SYNE2: variants seen among roughly 807,000 people sequenced by gnomAD.
SYNE2 encodes spectrin repeat containing nuclear envelope protein 2.
A neutral mutation model predicts 856.3 loss-of-function variants in SYNE2; 431 were observed. That is an observed-to-expected ratio of 0.50 (90% CI 0.47 to 0.55). The LOEUF is 0.55. Among genes scored for constraint, SYNE2 ranks in the 20% least tolerant of loss-of-function variants. The pLI, the probability that SYNE2 is intolerant of heterozygous loss-of-function variation, is 0.00. For synonymous variants in SYNE2, 2,923 were observed against 2,872.3 expected (o/e 1.02, Z -0.56); for missense variants, 8,129 against 8,023.2 (o/e 1.01, Z -0.50).
chr14:64,165,806 G>A (rs557957515), intron 90 of SYNE2, among the ~76,000 whole-genome samples: 11 of 152,110 alleles, frequency 7.2e-5, no homozygotes, highest in African/African-American at 2.2e-4. Context: ...GAGCCACTGC[G>A]CCTGGCCTAA....
chr14:64,170,546 T>C, intron 94 of SYNE2, 84 bp downstream of exon 94: 2 of 1,365,678 alleles, frequency 1.5e-6, no homozygotes, highest in Non-Finnish European at 2.0e-6. Context: ...TTAATGTTTT[T>C]GATGATGATG....
intron 1 of SYNE2, among the ~76,000 whole-genome samples, chr14:63,889,543 G>A (rs1198690521): frequency 3.3e-5 from 5 of 151,956 alleles, no homozygotes; most frequent in African/African-American, 1.2e-4. Flanking sequence ...TGGCACAATC[G>A]TAGCTCACTT....
intron 21 of SYNE2, among the ~76,000 whole-genome samples, chr14:63,991,707 G>A (rs1216998810): frequency 1.3e-5 from 2 of 152,178 alleles, no homozygotes; most frequent in African/African-American, 4.8e-5. Context: ...GGTGGGAGGT[G>A]CTTGGGGGAT....
In SYNE2 at chr14:64,098,079, G is replaced by A. The variant is rs886042419; in HGVS notation, c.12239G>A (p.Arg4080Lys). The A allele has an allele frequency of 6.2e-7, 1 of 1,614,184 alleles. No individual in the cohort carries two copies. Among genetic ancestry groups the A allele is most frequent in the Non-Finnish European group, 8.5e-7 (1 of 1,180,018 alleles). ...HLKQEQEGVE[R>K]DRLPAVTSEE... is the part of the protein sequence containing the mutation. ...AAGCAAGAACAAGAAGGAGTAGAAA[G>A]AGATAGGCTGCCAGCTGTAACATCA... Residue 4080 changes from arginine (R) to lysine (K), a missense_variant, in exon 62 of 116, where the codon AGA becomes AAA. Physicochemically the swap from Arg to Lys is conservative, Grantham distance 26. Around this residue, in one of 3 missense-constraint regions of SYNE2, gnomAD observed 5,410 missense variants for 5,284.8 expected, o/e 1.02. Coordinates refer to ENST00000555002, the MANE Select transcript of SYNE2 (RefSeq NM_182914.3).
chr14:64,150,093 C>T (rs868334504), intron 84 of SYNE2, among the ~76,000 whole-genome samples: 1 of 140,582 alleles, frequency 7.1e-6, no homozygotes, highest in Non-Finnish European at 1.5e-5. Flanking sequence ...CTCACTTCAG[C>T]CTTGAGCTCC....
At position 64,146,835 on chromosome 14, in the gene SYNE2, C is replaced by T. The variant is rs148004650; in HGVS notation, c.15639+612C>T. On this transcript the variant is annotated intron_variant, in intron 84 of 115. Transcript: ENST00000555002. The stretch of plus-strand genomic sequence containing the variant: ...CATCGCCATCACGGCAGGCGGCACA[C>T]GCTGTGCTGTTTCTGCACTTCCTGC... Among the ~76,000 whole-genome samples, 367 of 152,352 alleles carry T rather than the reference C, an allele frequency of 2.4e-3. 2 individuals are homozygous for T. Among genetic ancestry groups the T allele is most frequent in the African/African-American group, 8.2e-3 (340 of 41,582 alleles).
At chr14:64,220,685 C>G (rs764984703) in intron 111 of SYNE2, 48 bp downstream of exon 111, 1 of 1,598,412 alleles carries the variant, frequency 6.3e-7, no homozygotes, top group Non-Finnish European at 8.5e-7. Context: ...CCCAGGCCCA[C>G]GTGGTAGGAG....
intron 1 of SYNE2, among the ~76,000 whole-genome samples, chr14:63,905,565 T>C (rs578189651): frequency 3.9e-5 from 6 of 152,184 alleles, no homozygotes; most frequent in South Asian, 2.1e-4. Flanking sequence ...TTTGTGGCTA[T>C]TGTAAACGGG....
chr14:63,936,702 T>C (rs1201322496), intron 2 of SYNE2, among the ~76,000 whole-genome samples: 1 of 152,068 alleles, frequency 6.6e-6, no homozygotes, highest in Non-Finnish European at 1.5e-5. Context: ...GGAGGAGCCC[T>C]TGCAGGGTTT....
rs1170718601 is a variant in SYNE2, at chr14:64,024,296, C to G, written c.5677C>G (p.Gln1893Glu). 9.9e-6 allele frequency: 16 copies of G among 1,613,876 alleles called. No individual in the cohort carries two copies. Among genetic ancestry groups the G allele is most frequent in the Non-Finnish European group, 1.4e-5 (16 of 1,179,952 alleles). ...TLEGRNSKIK[Q>E]VDSVLKHVKK... ...TGAAGGAAGAAACAGTAAAATAAAGCAGGTGGACAGCGTACTGAAGCATGT... is the reference window on the plus strand; with the variant it reads ...TGAAGGAAGAAACAGTAAAATAAAGGAGGTGGACAGCGTACTGAAGCATGT... Residue 1893 changes from glutamine to glutamate, a missense_variant, in exon 39 of 116, where the codon CAG becomes GAG. Physicochemically the swap from Gln to Glu is conservative, Grantham distance 29 (BLOSUM62 2). Coordinates refer to ENST00000555002, the MANE Select transcript of SYNE2 (RefSeq NM_182914.3).
chr14:64,002,767 A>G lies in SYNE2; in HGVS notation c.3834A>G (p.Leu1278=). ...IAKQIEICNR[L]EEPGNFVLKE... ...AACAGATTGAAATATGTAACCGCTT[A>G]GAAGAGCCAGGCAACTTTGTATTAA... The change falls in exon 30 of 116, where the codon TTA becomes TTG. Residue 1278 remains leucine, a synonymous_variant. Coordinates refer to ENST00000555002, the MANE Select transcript of SYNE2 (RefSeq NM_182914.3). The G allele has an allele frequency of 6.2e-7, 1 of 1,613,908 alleles. No homozygotes were observed. The highest frequency in any genetic ancestry group is 1.1e-5 in the South Asian group (1 of 91,060).
intron 62 of SYNE2, chr14:64,098,458 A>G (rs879750964): frequency 1.7e-6 from 1 of 584,006 alleles, no homozygotes; most frequent in Non-Finnish European, 3.0e-6. Context: ...TGCAGACTCA[A>G]GAAGGGCCCA....
At chr14:64,180,555 C>T (rs1030692701) in intron 96 of SYNE2, among the ~76,000 whole-genome samples, 1 of 149,844 alleles carries the variant, frequency 6.7e-6, no homozygotes, top group Non-Finnish European at 1.5e-5. Flanking sequence ...CCCAGGCTGG[C>T]GTGCAGTGGC....
At chr14:63,827,299 C>A in intron 1 of SYNE2, among the ~76,000 whole-genome samples, 1 of 136,760 alleles carries the variant, frequency 7.3e-6, no homozygotes, top group Non-Finnish European at 1.6e-5. Context: ...AAAATTATTG[C>A]AACTCAACTA....
chr14:63,977,926 C>A lies in SYNE2; in HGVS notation c.1315C>A (p.His439Asn). ...LFKSLMDRFE[H>N]HSNILLTFEN... is the part of the protein sequence containing the mutation. ...TCAGAGCCTGATGGATAGATTTGAG[C>A]ATCATTCGAACATTCTCCTTACCTT... Residue 439 changes from histidine to asparagine, a missense_variant, in exon 13 of 116, where the codon CAT (histidine) becomes AAT (asparagine). His to Asn is a moderately conservative substitution (Grantham distance 68). Coordinates refer to ENST00000555002, the MANE Select transcript of SYNE2 (RefSeq NM_182914.3). 6.2e-7 allele frequency: 1 copy of A among 1,613,078 alleles called. No homozygotes were observed. The highest frequency in any genetic ancestry group is 8.5e-7 in the Non-Finnish European group (1 of 1,179,160).
rs1219457765 is a variant in SYNE2, at chr14:63,818,038, A to AAAC, written c.-304-34461_-304-34460insCAA. On this transcript the variant is annotated intron_variant, in intron 1 of 23. Coordinates refer to the SYNE2 transcript ENST00000674003. ...AGACCCTTTCTCAAAAAAAAAAAAA[A>AAAC]AAAAAAAACAAATAAATAAAAATTA... 9.3e-4 allele frequency among the ~76,000 whole-genome samples: 138 copies of AAAC among 148,788 alleles called. No homozygotes were observed. The Middle Eastern group carries it at 0.031, about 33-fold the overall frequency.
intron 22 of SYNE2, 129 bp from the exon 23 acceptor site, chr14:63,994,915 A>G: frequency 1.7e-6 from 1 of 577,716 alleles, no homozygotes; most frequent in Admixed American, 3.5e-5. Context: ...AAATACATGG[A>G]TGAATCAGAA....
At chr14:63,926,256 A>G (rs1163124069) in intron 2 of SYNE2, among the ~76,000 whole-genome samples, 3 of 127,692 alleles carry the variant, frequency 2.3e-5, no homozygotes, top group African/African-American at 8.9e-5. Context: ...AGCCCTAGGC[A>G]ATCAATTAAT....
Position 63,980,746 on chromosome 14 carries a change from G to C in SYNE2, c.1648+14G>C. On this transcript the variant is annotated intron_variant, in intron 15 of 115. Coordinates refer to ENST00000555002, the MANE Select transcript of SYNE2 (RefSeq NM_182914.3). ...ATAAGAATTTGGGTAAAGTGGTTCA[G>C]TTACTTTCTGATGGAATGACTGTCA... 6.6e-7 allele frequency: 1 copy of C among 1,520,456 alleles called. No homozygotes were observed. Among genetic ancestry groups the C allele is most frequent in the Non-Finnish European group, 9.1e-7 (1 of 1,095,806 alleles). The allele number at this position is 1,520,456 out of a possible 1,614,324, so 94.2% of individuals were successfully genotyped here.
Sources: allele counts gnomAD v4.1 joint callset (sites outside exome capture counted in the v4.1 genomes callset), GRCh38; gene constraint gnomAD v4.1.1; regional missense constraint gnomAD v4.1.1; transcripts MANE v1.5; gene names NCBI Gene and HGNC (gene_info 2026-07-23, HGNC 2026-07-21).